Variants in KCND2 observed in about 807,000 individuals in gnomAD.
KCND2 encodes potassium voltage-gated channel subfamily D member 2.
A neutral mutation model predicts 54.4 loss-of-function variants in KCND2; 16 were observed. The observed-to-expected ratio is 0.29, with a 90% CI of 0.20 to 0.45. KCND2 has a LOEUF of 0.45. Among genes scored for constraint, KCND2 ranks in the 20% least tolerant of loss-of-function variants. KCND2 has a pLI of 1.00. For synonymous variants in KCND2, 317 were observed against 310.7 expected, an observed-to-expected ratio of 1.02 and a Z score of -0.21; for missense variants, 486 against 824.2, an observed-to-expected ratio of 0.59 and a Z score of 5.02.
intron 1 of KCND2, among the ~76,000 whole-genome samples, chr7:120,331,391 T>C (rs1253878858): frequency 6.6e-6 from 1 of 152,074 alleles, no homozygotes; most frequent in Non-Finnish European, 1.5e-5. Context: ...GAAAAACAAA[T>C]TCTTTTTAAT....
chr7:120,570,031 G>A (rs1336542180), intron 1 of KCND2, among the ~76,000 whole-genome samples: 1 of 152,190 alleles, frequency 6.6e-6, no homozygotes, highest in East Asian at 1.9e-4. Flanking sequence ...GATATTCAGA[G>A]AAGTGTCCGT....
chr7:120,605,930 A>AG (rs1216194409), intron 1 of KCND2, among the ~76,000 whole-genome samples: 1 of 152,298 alleles, frequency 6.6e-6, no homozygotes, highest in African/African-American at 2.4e-5. Flanking sequence ...CACATGTCAT[A>AG]GGAGGGACCT....
chr7:120,283,308 C>A (rs1052145315), intron 1 of KCND2, among the ~76,000 whole-genome samples: 3 of 152,086 alleles, frequency 2.0e-5, no homozygotes, highest in Non-Finnish European at 2.9e-5. Flanking sequence ...ATAAAGACTT[C>A]TGATTTCATT....
intron 2 of KCND2, among the ~76,000 whole-genome samples, chr7:120,739,936 AT>A (rs1165349370): frequency 1.4e-4 from 22 of 152,082 alleles, no homozygotes; most frequent in African/African-American, 5.3e-4. Flanking sequence ...GTTGCCAAAG[AT>A]GCTTTAAAAA....
At chr7:120,353,966 T>G (rs558371700) in intron 1 of KCND2, among the ~76,000 whole-genome samples, 40 of 152,292 alleles carry the variant, frequency 2.6e-4, no homozygotes, top group Non-Finnish European at 5.0e-4. Flanking sequence ...ATTAATTTTA[T>G]AAAATCTCAA....
intron 5 of KCND2, 97 bp downstream of exon 5, chr7:120,746,124 T>C: frequency 7.2e-7 from 1 of 1,394,628 alleles, no homozygotes; most frequent in Non-Finnish European, 1.0e-6. Context: ...TCTAAATCCC[T>C]AGCTCCTATG....
At chr7:120,353,748 G>A (rs188581913) in intron 1 of KCND2, among the ~76,000 whole-genome samples, 1 of 152,164 alleles carries the variant, frequency 6.6e-6, no homozygotes, top group Admixed American at 6.5e-5. Context: ...GATCCATAAT[G>A]TTAAACTATT....
At chr7:120,317,012 T>A (rs919547002) in intron 1 of KCND2, among the ~76,000 whole-genome samples, 6 of 152,094 alleles carry the variant, frequency 3.9e-5, no homozygotes, top group African/African-American at 1.4e-4. Context: ...ATTTTTTGTA[T>A]TTTTAGTAGA....
At chr7:120,481,006 A>G (rs1022627536) in intron 1 of KCND2, among the ~76,000 whole-genome samples, 15 of 152,234 alleles carry the variant, frequency 9.9e-5, no homozygotes, top group African/African-American at 2.7e-4. Context: ...TCAAAAGAAA[A>G]GAAAACTAAG....
At chr7:120,563,065 A>G (rs1186263547) in intron 1 of KCND2, among the ~76,000 whole-genome samples, 4 of 152,154 alleles carry the variant, frequency 2.6e-5, no homozygotes, top group Non-Finnish European at 4.4e-5. Context: ...TTCTTGGTTT[A>G]TTTTAGACCC....
intron 1 of KCND2, among the ~76,000 whole-genome samples, chr7:120,569,645 T>G (rs575919447): frequency 9.2e-5 from 14 of 152,216 alleles, no homozygotes; most frequent in Non-Finnish European, 2.1e-4. Context: ...AAAGAAAACT[T>G]TCTTTATGTT....
At chr7:120,346,566 C>T (rs551259703) in intron 1 of KCND2, among the ~76,000 whole-genome samples, 5 of 152,066 alleles carry the variant, frequency 3.3e-5, no homozygotes, top group South Asian at 2.1e-4. Context: ...TTTAAATAAA[C>T]GATTAACTTT....
At chr7:120,374,367 C>T (rs548724256) in intron 1 of KCND2, among the ~76,000 whole-genome samples, 12 of 151,724 alleles carry the variant, frequency 7.9e-5, no homozygotes, top group East Asian at 3.9e-4. Context: ...AATTCTTAGT[C>T]GGCTTACTTT....
intron 1 of KCND2, among the ~76,000 whole-genome samples, chr7:120,588,402 A>AGTGTGTGTGTGTGTGTGTGTGTGTGTGT (rs3993713): frequency 7.1e-6 from 1 of 141,314 alleles, no homozygotes; most frequent in Non-Finnish European, 1.5e-5. Context: ...GCAACTGTGC[A>AGTGTGTGTGTGTGTGTGTGTGTGTGTGT]GTGTGTGTGT....
At chr7:120,444,869 A>G (rs1801996917) in intron 1 of KCND2, among the ~76,000 whole-genome samples, 1 of 152,114 alleles carries the variant, frequency 6.6e-6, no homozygotes, top group South Asian at 2.1e-4. Context: ...ATTAACATCA[A>G]TGAAATTCAT....
Position 120,465,065 on chromosome 7 carries a change from A to G in KCND2, c.1115+189318A>G, listed in dbSNP as rs1276367723. On this transcript the variant is annotated intron_variant, in intron 1 of 5. Transcript: ENST00000331113. ...ACCAGCGGCAAAGGTCATGGAGGACATTCCAAATTTTTGCACACCACACTT... is the reference window on the plus strand; with the variant it reads ...ACCAGCGGCAAAGGTCATGGAGGACGTTCCAAATTTTTGCACACCACACTT... Among the ~76,000 whole-genome samples, 3 of 152,222 alleles carry G rather than the reference A, an allele frequency of 2.0e-5. No homozygotes were observed. The East Asian group carries it at 5.8e-4, about 29-fold the overall frequency.
intron 1 of KCND2, among the ~76,000 whole-genome samples, chr7:120,567,794 C>A (rs1033848821): frequency 6.6e-6 from 1 of 152,078 alleles, no homozygotes. Context: ...ACACCAACAT[C>A]ATGGGTGTCA....
chr7:120,351,410 A>ACTCT (rs1313700156), intron 1 of KCND2, among the ~76,000 whole-genome samples: 132 of 96,138 alleles, frequency 1.4e-3, no homozygotes, highest in East Asian at 4.7e-3. Flanking sequence ...ACACACACAC[A>ACTCT]CACTCTCTCT....
chr7:120,293,618 G>A (rs1040752720), intron 1 of KCND2, among the ~76,000 whole-genome samples: 3 of 151,888 alleles, frequency 2.0e-5, no homozygotes, highest in Non-Finnish European at 4.4e-5. Context: ...CATTTGAAAG[G>A]ATGAAATGCA....
Sources: allele counts gnomAD v4.1 joint callset (sites outside exome capture counted in the v4.1 genomes callset), GRCh38; gene constraint gnomAD v4.1.1; transcripts MANE v1.5; gene names NCBI Gene and HGNC (gene_info 2026-07-23, HGNC 2026-07-21).